The following RFTN1 variants were observed in gnomAD, a reference collection of about 807,000 sequenced individuals.
The protein encoded by RFTN1 is raftlin, lipid raft linker 1.
RFTN1 carries 26 observed loss-of-function variants against 46.5 expected under a neutral mutation model. The ratio of observed to expected loss-of-function variants is 0.56; its 90% CI spans 0.41 to 0.78. The LOEUF is 0.78. RFTN1 is among the 30% of genes least tolerant of loss of function. RFTN1 has a pLI of 0.00. For synonymous variants in RFTN1, 261 were observed against 284.2 expected (o/e 0.92, Z 0.82); for missense variants, 693 against 718.7 (o/e 0.96, Z 0.41).
intron 4 of RFTN1, among the ~76,000 whole-genome samples, chr3:16,401,752 T>C (rs952932819): frequency 9.9e-5 from 15 of 152,232 alleles, no homozygotes; most frequent in African/African-American, 3.4e-4. Flanking sequence ...TCTGTCTGCT[T>C]ACGCTGAAAA....
intron 2 of RFTN1, chr3:16,454,898 T>C (rs2075878513): frequency 4.4e-6 from 2 of 459,474 alleles, no homozygotes. Context: ...CCTTAGCAAA[T>C]GACTACGTGA....
chr3:16,444,064 G>T (rs2075682575), intron 2 of RFTN1, among the ~76,000 whole-genome samples: 1 of 152,178 alleles, frequency 6.6e-6, no homozygotes, highest in Non-Finnish European at 1.5e-5. Context: ...ACATTTAAAA[G>T]TACTTTTGTT....
chr3:16,369,464 C>T (rs1049073180), intron 6 of RFTN1, among the ~76,000 whole-genome samples: 2 of 152,216 alleles, frequency 1.3e-5, no homozygotes, highest in African/African-American at 4.8e-5. Flanking sequence ...TAACCTAAAG[C>T]CTTTTCTTTG....
At position 16,358,003 on chromosome 3, in the gene RFTN1, C is replaced by G; in HGVS notation, c.1075G>C (p.Val359Leu). The G allele has an allele frequency of 6.2e-7, 1 of 1,607,884 alleles. No homozygotes were observed. Among genetic ancestry groups the G allele is most frequent in the Non-Finnish European group, 8.5e-7 (1 of 1,178,716 alleles). The change falls in exon 7 of 10, where the codon GTT becomes CTT. Residue 359 changes from valine to leucine, a missense_variant. By Grantham distance (32) the Val-to-Leu change is conservative. Coordinates refer to ENST00000334133, the MANE Select transcript of RFTN1 (RefSeq NM_015150.2). ...ATGGTTTTGCTATCTTCTGTGGAAA[C>G]AGCTTCAAAGATGAATACTCCATCT... ...LTDGVFIFEA[V>L]STEDSKTIQG...
At position 16,410,733 on chromosome 3, in the gene RFTN1, A is replaced by G. The variant is rs1244559486; in HGVS notation, c.333-1250T>C. On this transcript the variant is annotated intron_variant, in intron 3 of 9. Coordinates refer to ENST00000334133, the MANE Select transcript of RFTN1 (RefSeq NM_015150.2). This position sits in a 1 kb window ranked among gnomAD's most constrained non-coding sequence, Gnocchi z 4.6. ...AGCGCACCCTGCCATCTCTGCACAC[A>G]GGGGCTGCTTTCCAAAGCACCACCA... Among the ~76,000 whole-genome samples, 1 of 152,172 alleles carries G rather than the reference A, an allele frequency of 6.6e-6. No homozygotes were observed. The highest frequency in any genetic ancestry group is 1.5e-5 in the Non-Finnish European group (1 of 68,024).
chr3:16,508,069 A>G (rs1327738723), intron 1 of RFTN1, among the ~76,000 whole-genome samples: 1 of 152,216 alleles, frequency 6.6e-6, no homozygotes, highest in Non-Finnish European at 1.5e-5. Context: ...TGTCGGCATC[A>G]AACAACTGAG....
intron 3 of RFTN1, among the ~76,000 whole-genome samples, chr3:16,411,722 A>T (rs2074984345): frequency 1.3e-5 from 2 of 152,228 alleles, no homozygotes; most frequent in African/African-American, 4.8e-5. Flanking sequence ...GTGAGGTCTC[A>T]AACAACAAAA....
rs2072210803 is a variant in RFTN1, at chr3:16,353,156, A to G, written c.1146+4776T>C. ...AGAGATTATAGGCCTGCCTGGGAGG[A>G]CAGTGGTTACCAGAAAAGCAGAGTT... On this transcript the variant is annotated intron_variant, in intron 7 of 9. Transcript: ENST00000334133. The surrounding 1 kb of genome is among the most constrained non-coding windows in gnomAD (Gnocchi z 5.4). Among the ~76,000 whole-genome samples, 1 of 152,174 alleles carries G rather than the reference A, an allele frequency of 6.6e-6. No individual in the cohort carries two copies. Among genetic ancestry groups the G allele is most frequent in the Admixed American group, 6.5e-5 (1 of 15,274 alleles).
In RFTN1 at chr3:16,387,674, G is replaced by A. The variant is rs1398194594; in HGVS notation, c.442-9572C>T. Among the ~76,000 whole-genome samples the A allele has an allele frequency of 6.8e-6, 1 of 147,536 alleles. No homozygotes were observed. Among genetic ancestry groups the A allele is most frequent in the Non-Finnish European group, 1.5e-5 (1 of 67,196 alleles). ...TTATCTTTTTTTAAAAGAAGAAAAA[G>A]AGGAAAGAATCCAACCAACAATAGA... On this transcript the variant is annotated intron_variant, in intron 4 of 9. Coordinates refer to ENST00000334133, the MANE Select transcript of RFTN1 (RefSeq NM_015150.2). This position sits in a 1 kb window ranked among gnomAD's most constrained non-coding sequence, Gnocchi z 5.2.
Position 16,481,557 on chromosome 3 carries a change from C to T in RFTN1, c.145+12168G>A, listed in dbSNP as rs991083007. The stretch of plus-strand genomic sequence containing the variant: ...ATAGAAACCGGAAACAAAAATGAAA[C>T]ACAAGTAGGAAGTTAAATAACTTCA... On this transcript the variant is annotated intron_variant, in intron 2 of 9. Coordinates refer to ENST00000334133, the MANE Select transcript of RFTN1 (RefSeq NM_015150.2). This position sits in a 1 kb window ranked among gnomAD's most constrained non-coding sequence, Gnocchi z 5.1. 6.6e-6 allele frequency among the ~76,000 whole-genome samples: 1 copy of T among 152,088 alleles called. No homozygotes were observed. Among genetic ancestry groups the T allele is most frequent in the African/African-American group, 2.4e-5 (1 of 41,404 alleles).
chr3:16,446,915 T>C lies in RFTN1; in HGVS notation c.146-12878A>G, dbSNP rs1575306249. On this transcript the variant is annotated intron_variant, in intron 2 of 9. Coordinates refer to ENST00000334133, the MANE Select transcript of RFTN1 (RefSeq NM_015150.2). The surrounding 1 kb of genome is among the most constrained non-coding windows in gnomAD (Gnocchi z 4.5). Reference sequence around the variant, plus strand: ...GTGAATTTTCAAAAGCTTCTGAATATAGTAATATAAAATGACAAACTATGG... The same window carrying C: ...GTGAATTTTCAAAAGCTTCTGAATACAGTAATATAAAATGACAAACTATGG... 6.6e-6 allele frequency among the ~76,000 whole-genome samples: 1 copy of C among 152,194 alleles called. No individual in the cohort carries two copies. The highest frequency in any genetic ancestry group is 1.5e-5 in the Non-Finnish European group (1 of 68,036).
In RFTN1 at chr3:16,361,611, C is replaced by G. The variant is rs1486586913; in HGVS notation, c.1031-3564G>C. On this transcript the variant is annotated intron_variant, in intron 6 of 9. Coordinates refer to ENST00000334133, the MANE Select transcript of RFTN1 (RefSeq NM_015150.2). This position sits in a 1 kb window ranked among gnomAD's most constrained non-coding sequence, Gnocchi z 4.3. ...AGGAAGGGACAGCCAGCCTGACATG[C>G]AGAGTGAACGAAGGACAGCCAAGGA... Among the ~76,000 whole-genome samples the G allele has an allele frequency of 6.6e-6, 1 of 152,078 alleles. No homozygotes were observed. The highest frequency in any genetic ancestry group is 1.5e-5 in the Non-Finnish European group (1 of 68,008).
chr3:16,357,141 C>T (rs1303155732), intron 7 of RFTN1, among the ~76,000 whole-genome samples: 1 of 147,026 alleles, frequency 6.8e-6, no homozygotes, highest in African/African-American at 2.5e-5. Context: ...AAAAAACAAA[C>T]AAACAAACAA....
rs999199115 is a variant in RFTN1, at chr3:16,345,777, A to G, written c.1146+12155T>C. ...CCATAATCACATGAGCCAAAACCTT[A>G]TAATAAATCTCTGTGTGTGTGTGTG... On this transcript the variant is annotated intron_variant, in intron 7 of 9. Transcript: ENST00000334133. The surrounding 1 kb of genome is among the most constrained non-coding windows in gnomAD (Gnocchi z 5.2). Among the ~76,000 whole-genome samples the G allele has an allele frequency of 1.4e-4, 20 of 138,864 alleles. No homozygotes were observed. The highest frequency in any genetic ancestry group is 5.4e-4 in the African/African-American group (20 of 37,020). 91.1% of individuals were successfully genotyped at this position (138,864 alleles called of 152,430 possible).
At position 16,334,906 on chromosome 3, in the gene RFTN1, G is replaced by A. The variant is rs932876989; in HGVS notation, c.1147-8030C>T. On this transcript the variant is annotated intron_variant, in intron 7 of 9. Transcript: ENST00000334133. This position sits in a 1 kb window ranked among gnomAD's most constrained non-coding sequence, Gnocchi z 4.3. ...GACAGGCAGGAAGGCCAGAGTCAGAGGAAGAGATGTGATGGCAGCAGCAGA... is the reference window on the plus strand; with the variant it reads ...GACAGGCAGGAAGGCCAGAGTCAGAAGAAGAGATGTGATGGCAGCAGCAGA... Among the ~76,000 whole-genome samples, 2 of 152,232 alleles carry A rather than the reference G, an allele frequency of 1.3e-5. No homozygotes were observed. The highest frequency in any genetic ancestry group is 2.9e-5 in the Non-Finnish European group (2 of 68,046).
chr3:16,483,379 C>A lies in RFTN1; in HGVS notation c.145+10346G>T, dbSNP rs1255710435. Among the ~76,000 whole-genome samples the A allele has an allele frequency of 6.6e-6, 1 of 152,160 alleles. No homozygotes were observed. Among genetic ancestry groups the A allele is most frequent in the East Asian group, 1.9e-4 (1 of 5,196 alleles). On this transcript the variant is annotated intron_variant, in intron 2 of 9. Coordinates refer to ENST00000334133, the MANE Select transcript of RFTN1 (RefSeq NM_015150.2). This position sits in a 1 kb window ranked among gnomAD's most constrained non-coding sequence, Gnocchi z 4.8. ...CCCTCCCTCCCAGAACCTGCAGGCACCAGCAGCCAGGTATCCATCTTAGCC... is the reference window on the plus strand; with the variant it reads ...CCCTCCCTCCCAGAACCTGCAGGCAACAGCAGCCAGGTATCCATCTTAGCC...
Position 16,433,184 on chromosome 3 carries a change from T to TAA in RFTN1, c.332+666_332+667insTT, listed in dbSNP as rs371307870. On this transcript the variant is annotated intron_variant, in intron 3 of 9. Coordinates refer to ENST00000334133, the MANE Select transcript of RFTN1 (RefSeq NM_015150.2). The surrounding 1 kb of genome is among the most constrained non-coding windows in gnomAD (Gnocchi z 4.4). ...ATCCCATCCTCACTGTTTTTTTTTT[T>TAA]TAAAAAAATTAATATTGTTCCTTTT... 1.3e-3 allele frequency among the ~76,000 whole-genome samples: 141 copies of TAA among 106,444 alleles called. 1 individual carries two copies. The highest frequency in any genetic ancestry group is 4.8e-3 in the African/African-American group (112 of 23,542). The allele number at this position is 106,444 out of a possible 152,430, so 69.8% of individuals were successfully genotyped here. A position where few individuals can be genotyped will look rare whatever the true frequency, so the allele number is the denominator to read the frequency against.
At chr3:16,492,599 A>G (rs1432658893) in intron 2 of RFTN1, among the ~76,000 whole-genome samples, 3 of 152,216 alleles carry the variant, frequency 2.0e-5, no homozygotes, top group Admixed American at 2.0e-4. Flanking sequence ...AGCTTAAAGT[A>G]TATCCAGAAG....
rs185481364 is a variant in RFTN1 at position 16,426,505 on chromosome 3, G to T, written c.332+7346C>A. On this transcript the variant is annotated intron_variant, in intron 3 of 9. Transcript: ENST00000334133. The surrounding 1 kb of genome is among the most constrained non-coding windows in gnomAD (Gnocchi z 5.9). ...ATTATCTTGTAGGCTATAAAAAAAA[G>T]ATAACATAATGCATTTGTACTTCAC... is the stretch of plus-strand genomic sequence containing the variant. 3.0e-4 allele frequency among the ~76,000 whole-genome samples: 46 copies of T among 152,208 alleles called. No individual in the cohort carries two copies. The highest frequency in any genetic ancestry group is 5.7e-4 in the Non-Finnish European group (39 of 67,992).
Sources: allele counts gnomAD v4.1 joint callset (sites outside exome capture counted in the v4.1 genomes callset), GRCh38; gene constraint gnomAD v4.1.1; non-coding constraint Gnocchi (gnomAD v3.1); transcripts MANE v1.5; gene names NCBI Gene and HGNC (gene_info 2026-07-23, HGNC 2026-07-21).